The following TACR3 variants were observed in gnomAD, a reference collection of about 807,000 sequenced individuals.
TACR3 encodes the protein tachykinin receptor 3.
A neutral mutation model predicts 35.0 loss-of-function variants in TACR3; 34 were observed. The ratio of observed to expected loss-of-function variants is 0.97; its 90% CI spans 0.74 to 1.30. The LOEUF (loss-of-function observed/expected upper bound fraction) is 1.30, where lower values mean the gene tolerates loss of function less well. Among genes scored for constraint, TACR3 ranks in the 50% most tolerant of loss-of-function variants. The pLI, the probability that TACR3 is intolerant of heterozygous loss-of-function variation, is 0.00. For missense variants in TACR3, 558 were observed against 591.7 expected (o/e 0.94, Z 0.59); for synonymous variants, 233 against 221.1 (o/e 1.05, Z -0.48).
At chr4:103,687,409 G>A in intron 1 of TACR3, among the ~76,000 whole-genome samples, 1 of 152,064 alleles carries the variant, frequency 6.6e-6, no homozygotes, top group Non-Finnish European at 1.5e-5. Context: ...CAATTAGGCA[G>A]GAGAAGGAAA....
At chr4:103,591,881 C>A (rs1364201899) in intron 3 of TACR3, among the ~76,000 whole-genome samples, 198 bp from the exon 4 acceptor site, 1 of 152,132 alleles carries the variant, frequency 6.6e-6, no homozygotes, top group Admixed American at 6.6e-5. Context: ...TGTCACTATT[C>A]ATTTCTACCT....
intron 1 of TACR3, among the ~76,000 whole-genome samples, chr4:103,692,949 C>T (rs1722438109): frequency 6.6e-6 from 1 of 152,138 alleles, no homozygotes; most frequent in African/African-American, 2.4e-5. Context: ...TTACTCTCAT[C>T]CTGCTTTACA....
chr4:103,689,393 A>T (rs1189175157), intron 1 of TACR3, among the ~76,000 whole-genome samples: 3 of 152,174 alleles, frequency 2.0e-5, no homozygotes, highest in Non-Finnish European at 4.4e-5. Flanking sequence ...TAAAACTTAA[A>T]GTATAATAAT....
intron 1 of TACR3, among the ~76,000 whole-genome samples, chr4:103,668,848 CAAAAA>C (rs565931739): frequency 2.8e-5 from 3 of 107,848 alleles, no homozygotes; most frequent in Non-Finnish European, 4.3e-5. Context: ...GACTCTGTCT[CAAAAA>C]AAAAAAAAAA....
At chr4:103,658,848 C>T (rs992052347) in intron 1 of TACR3, among the ~76,000 whole-genome samples, 3 of 152,052 alleles carry the variant, frequency 2.0e-5, no homozygotes, top group Admixed American at 2.0e-4. Context: ...CACTTTATTT[C>T]TGTTGTGATT....
chr4:103,676,567 A>G (rs1035624034), intron 1 of TACR3, among the ~76,000 whole-genome samples: 1 of 152,194 alleles, frequency 6.6e-6, no homozygotes, highest in Non-Finnish European at 1.5e-5. Context: ...AAGACTACAC[A>G]TCTAAGACTA....
At chr4:103,692,731 C>A (rs181083933) in intron 1 of TACR3, among the ~76,000 whole-genome samples, 1 of 152,216 alleles carries the variant, frequency 6.6e-6, no homozygotes, top group East Asian at 1.9e-4. Flanking sequence ...ATAGAAAATA[C>A]TGTGTCATTA....
intron 1 of TACR3, among the ~76,000 whole-genome samples, chr4:103,676,261 TGAGGACTTCAG>T (rs1726167766): frequency 1.3e-5 from 2 of 152,086 alleles, no homozygotes; most frequent in South Asian, 4.1e-4. Context: ...TGTTCACAAA[TGAGGACTTCAG>T]CATGTATATA....
intron 4 of TACR3, 151 bp from the exon 5 acceptor site, chr4:103,590,145 CTGT>C (rs1167524514): frequency 2.3e-6 from 2 of 866,470 alleles, no homozygotes; most frequent in Non-Finnish European, 3.6e-6. Flanking sequence ...TGTCACAGTA[CTGT>C]TGTTAGTCGT....
chr4:103,719,042 T>A, intron 1 of TACR3, 86 bp downstream of exon 1: 1 of 1,564,058 alleles, frequency 6.4e-7, no homozygotes, highest in Non-Finnish European at 8.7e-7. Flanking sequence ...CCCCGTTACG[T>A]TACTATTTCC....
At chr4:103,660,596 A>G (rs1233140942) in intron 1 of TACR3, among the ~76,000 whole-genome samples, 1 of 151,954 alleles carries the variant, frequency 6.6e-6, no homozygotes, top group Non-Finnish European at 1.5e-5. Flanking sequence ...GAGGTGATGG[A>G]TATGTTTAGT....
In TACR3 at chr4:103,614,890, T is replaced by TTG. The variant is rs1560807403; in HGVS notation, c.889-23208_889-23207insCA. Among the ~76,000 whole-genome samples the TTG allele has an allele frequency of 3.0e-3, 328 of 107,858 alleles. 4 individuals are homozygous for TTG. The highest frequency in any genetic ancestry group is 0.012 in the African/African-American group (319 of 26,826). 70.8% of individuals were successfully genotyped at this position (107,858 alleles called of 152,430 possible). A position where few individuals can be genotyped will look rare whatever the true frequency, so the allele number is the denominator to read the frequency against. On this transcript the variant is annotated intron_variant, in intron 3 of 4. Coordinates refer to ENST00000304883, the MANE Select transcript of TACR3 (RefSeq NM_001059.3). Reference sequence around the variant, plus strand: ...CTAAGTTGATTATGAATGTGTTTTTTTTTTTTTTTTTTTTTTTTTTTTGAG... The same window carrying TTG: ...CTAAGTTGATTATGAATGTGTTTTTTTGTTTTTTTTTTTTTTTTTTTTTTGAG...
intron 1 of TACR3, among the ~76,000 whole-genome samples, chr4:103,679,581 G>A (rs1437397515): frequency 1.3e-5 from 2 of 151,916 alleles, no homozygotes; most frequent in Non-Finnish European, 2.9e-5. Context: ...ACCCTTTGTG[G>A]AGTAATTGCT....
chr4:103,664,738 C>T (rs1248622458), intron 1 of TACR3, among the ~76,000 whole-genome samples: 2 of 152,154 alleles, frequency 1.3e-5, no homozygotes, highest in Non-Finnish European at 2.9e-5. Flanking sequence ...TTGAGAGATA[C>T]ATGACCTTTG....
chr4:103,703,265 T>C (rs984153370), intron 1 of TACR3, among the ~76,000 whole-genome samples: 13 of 152,186 alleles, frequency 8.5e-5, no homozygotes, highest in Admixed American at 2.6e-4. Context: ...ATTTTAACCA[T>C]TGTAAGTGTA....
At chr4:103,656,565 G>T (rs1440554615) in intron 2 of TACR3, among the ~76,000 whole-genome samples, 1 of 151,968 alleles carries the variant, frequency 6.6e-6, no homozygotes, top group Non-Finnish European at 1.5e-5. Flanking sequence ...CTTGGTATAT[G>T]AAAACTATAG....
chr4:103,631,946 T>C (rs1473441904), intron 3 of TACR3, among the ~76,000 whole-genome samples: 1 of 152,214 alleles, frequency 6.6e-6, no homozygotes, highest in East Asian at 1.9e-4. Flanking sequence ...ATCTTGTTCT[T>C]TCCTCTATTT....
chr4:103,681,699 A>C (rs1209075472), intron 1 of TACR3, among the ~76,000 whole-genome samples: 1 of 151,924 alleles, frequency 6.6e-6, no homozygotes, highest in Non-Finnish European at 1.5e-5. Context: ...GAACTTATAA[A>C]ATTAGTAGAT....
intron 3 of TACR3, among the ~76,000 whole-genome samples, chr4:103,629,868 AAAAC>A (rs1435685953): frequency 2.0e-3 from 216 of 109,608 alleles, no homozygotes; most frequent in African/African-American, 3.1e-3. Context: ...AAACAAAAAA[AAAAC>A]AAAAAAAACA....
Sources: allele counts gnomAD v4.1 joint callset (sites outside exome capture counted in the v4.1 genomes callset), GRCh38; gene constraint gnomAD v4.1.1; transcripts MANE v1.5; gene names NCBI Gene and HGNC (gene_info 2026-07-23, HGNC 2026-07-21).